Variants in LRMDA observed in about 807,000 individuals in gnomAD.
LRMDA encodes leucine rich melanocyte differentiation associated, also known as leucine-rich melanocyte differentiation-associated protein.
In LRMDA, 18 loss-of-function variants were observed where a neutral mutation model predicts 29.8. The observed-to-expected ratio is 0.60, with a 90% CI of 0.42 to 0.90. The LOEUF (loss-of-function observed/expected upper bound fraction) is 0.90. Ranked by LOEUF, LRMDA falls within the 40% of genes least tolerant of loss-of-function variation. The pLI is 0.00. For synonymous variants in LRMDA, 125 were observed against 109.4 expected (o/e 1.14, Z -0.89); for missense variants, 273 against 273.9 (o/e 1.00, Z 0.02).
chr10:75,457,225 T>C (rs982984523), intron 2 of LRMDA, among the ~76,000 whole-genome samples: 2 of 152,238 alleles, frequency 1.3e-5, no homozygotes, highest in Non-Finnish European at 2.9e-5. Flanking sequence ...CAAAGTCGAC[T>C]GTTAGCTCCT....
chr10:76,126,138 G>A (rs1044479129), intron 5 of LRMDA, among the ~76,000 whole-genome samples: 3 of 152,194 alleles, frequency 2.0e-5, no homozygotes, highest in Non-Finnish European at 4.4e-5. Flanking sequence ...GACTGCCTCA[G>A]AGATGGAGCT....
At chr10:76,143,185 A>G (rs985674806) in intron 5 of LRMDA, among the ~76,000 whole-genome samples, 12 of 152,282 alleles carry the variant, frequency 7.9e-5, no homozygotes, top group African/African-American at 2.9e-4. Context: ...AGCATGATTT[A>G]TTATCCTTTG....
At chr10:76,173,828 C>T (rs1359682165) in intron 5 of LRMDA, among the ~76,000 whole-genome samples, 1 of 152,062 alleles carries the variant, frequency 6.6e-6, no homozygotes, top group Non-Finnish European at 1.5e-5. Flanking sequence ...ACTTGGCTAA[C>T]TTTTTGGATT....
intron 6 of LRMDA, among the ~76,000 whole-genome samples, chr10:76,523,610 G>T (rs890623194): frequency 1.5e-4 from 23 of 151,812 alleles, no homozygotes; most frequent in African/African-American, 5.6e-4. Context: ...AGAAAGGGGG[G>T]TGGGAAGGGA....
intron 5 of LRMDA, among the ~76,000 whole-genome samples, chr10:76,306,352 C>T (rs895816871): frequency 6.6e-6 from 1 of 152,184 alleles, no homozygotes; most frequent in Admixed American, 6.5e-5. Context: ...TACATATCCC[C>T]CTTTGGTTGC....
chr10:76,309,808 T>C (rs1840606860), intron 5 of LRMDA, among the ~76,000 whole-genome samples: 1 of 152,190 alleles, frequency 6.6e-6, no homozygotes, highest in South Asian at 2.1e-4. Flanking sequence ...GGTATAATTT[T>C]ACAACAAGCC....
chr10:75,954,688 A>G (rs966193876), intron 2 of LRMDA, among the ~76,000 whole-genome samples: 4 of 152,200 alleles, frequency 2.6e-5, no homozygotes, highest in Non-Finnish European at 5.9e-5. Context: ...ATTGTCTGAA[A>G]ACCTTCTGTT....
At chr10:75,841,355 A>G (rs186692990) in intron 2 of LRMDA, among the ~76,000 whole-genome samples, 4 of 152,102 alleles carry the variant, frequency 2.6e-5, no homozygotes, top group African/African-American at 9.7e-5. Flanking sequence ...TAGGAATGCT[A>G]TGTTTTGTCT....
At chr10:76,339,257 C>T (rs1465680302) in intron 6 of LRMDA, among the ~76,000 whole-genome samples, 1 of 140,070 alleles carries the variant, frequency 7.1e-6, no homozygotes, top group Non-Finnish European at 1.6e-5. Context: ...GGAAGACTTC[C>T]TTCCCCCTCC....
chr10:75,786,154 GT>G (rs1268354176), intron 2 of LRMDA, among the ~76,000 whole-genome samples: 1 of 152,210 alleles, frequency 6.6e-6, no homozygotes, highest in Non-Finnish European at 1.5e-5. Flanking sequence ...ACATTGTTCA[GT>G]TATGAGCAGA....
intron 6 of LRMDA, among the ~76,000 whole-genome samples, chr10:76,537,815 C>T (rs957424737): frequency 6.6e-6 from 1 of 152,148 alleles, no homozygotes; most frequent in African/African-American, 2.4e-5. Context: ...TTCTGCCTAC[C>T]TACCTCATCT....
chr10:76,425,572 AATT>A (rs1300724445), intron 6 of LRMDA, among the ~76,000 whole-genome samples: 1 of 151,188 alleles, frequency 6.6e-6, no homozygotes, highest in Non-Finnish European at 1.5e-5. Flanking sequence ...TACTAATAAT[AATT>A]ATTATTTTAT....
intron 2 of LRMDA, among the ~76,000 whole-genome samples, chr10:75,541,047 T>G (rs1840009592): frequency 6.6e-6 from 1 of 152,160 alleles, no homozygotes; most frequent in African/African-American, 2.4e-5. Flanking sequence ...TTTTAACAAC[T>G]GTTGGTTTAA....
chr10:76,012,337 A>G (rs912269732), intron 2 of LRMDA, among the ~76,000 whole-genome samples: 3 of 152,210 alleles, frequency 2.0e-5, no homozygotes, highest in African/African-American at 7.2e-5. Flanking sequence ...GTTCCAGGAC[A>G]GAGCTCACAG....
At chr10:75,977,831 T>C (rs1020907407) in intron 2 of LRMDA, among the ~76,000 whole-genome samples, 2 of 152,168 alleles carry the variant, frequency 1.3e-5, no homozygotes, top group African/African-American at 2.4e-5. Flanking sequence ...CACTGTCGGG[T>C]TGAGTTCTGG....
intron 5 of LRMDA, among the ~76,000 whole-genome samples, chr10:76,159,021 G>A (rs1284033812): frequency 1.3e-5 from 2 of 152,020 alleles, no homozygotes; most frequent in Non-Finnish European, 2.9e-5. Flanking sequence ...AAAATCATAT[G>A]GTAAGTAGAA....
intron 2 of LRMDA, among the ~76,000 whole-genome samples, chr10:75,579,558 C>G (rs932330146): frequency 1.3e-5 from 2 of 152,308 alleles, no homozygotes; most frequent in South Asian, 4.1e-4. Flanking sequence ...GGAATCCTCC[C>G]TAACTCATTT....
At chr10:76,180,165 G>T (rs552526471) in intron 5 of LRMDA, among the ~76,000 whole-genome samples, 1 of 151,938 alleles carries the variant, frequency 6.6e-6, no homozygotes, top group South Asian at 2.1e-4. Context: ...CCATGGCTGG[G>T]ATCTCTAGTT....
At chr10:76,137,565 G>A (rs1300953849) in intron 5 of LRMDA, among the ~76,000 whole-genome samples, 1 of 151,916 alleles carries the variant, frequency 6.6e-6, no homozygotes. Flanking sequence ...CCCTAAAGAG[G>A]GTTAAAAATA....
Sources: gnomAD v4.1 joint callset for allele counts (sites outside exome capture counted in the v4.1 genomes callset) on GRCh38, gnomAD v4.1.1 for gene constraint, MANE v1.5 for transcripts, NCBI Gene and HGNC (gene_info 2026-07-23, HGNC 2026-07-21) for gene names.